CYREN: variants seen among roughly 807,000 people sequenced by gnomAD.
The protein encoded by CYREN is cell cycle regulator of non-homologous end joining.
In CYREN, 7 loss-of-function variants were observed where a neutral mutation model predicts 9.7. The observed-to-expected ratio is 0.72, with a 90% confidence interval of 0.41 to 1.36. The LOEUF is 1.36. Among genes scored for constraint, CYREN ranks in the 40% most tolerant of loss-of-function variants. The probability of loss-of-function intolerance (pLI) is 0.01; values close to 1 mark genes in which losing one functional copy is unlikely to be tolerated. For missense variants in CYREN, 215 were observed against 198.1 expected (o/e 1.09, Z -0.51); for synonymous variants, 76 against 77.9 (o/e 0.98, Z 0.13).
intron 2 of CYREN, among the ~76,000 whole-genome samples, chr7:135,104,563 CT>C (rs1824359800): frequency 6.6e-6 from 1 of 152,020 alleles, no homozygotes; most frequent in Non-Finnish European, 1.5e-5. Flanking sequence ...ATAAGATTCC[CT>C]TTTTTCTGCA....
chr7:135,106,431 T>C (rs1171217275), intron 2 of CYREN, among the ~76,000 whole-genome samples: 4 of 152,234 alleles, frequency 2.6e-5, no homozygotes, highest in Non-Finnish European at 5.9e-5. Context: ...GGAGGAATGT[T>C]GAATTTTATC....
chr7:135,131,258 A>G (rs1290576054), intron 2 of CYREN, among the ~76,000 whole-genome samples: 1 of 152,150 alleles, frequency 6.6e-6, no homozygotes, highest in Non-Finnish European at 1.5e-5. Flanking sequence ...GTGGGAGTTG[A>G]ACAGTGAGAA....
At chr7:135,094,616 A>G (rs1382027821) in intron 2 of CYREN, 2 of 445,340 alleles carry the variant, frequency 4.5e-6, no homozygotes, top group East Asian at 1.4e-4. Flanking sequence ...AACATTGTGA[A>G]ATACACCCAG....
chr7:135,116,579 T>A (rs1048422458), intron 2 of CYREN, among the ~76,000 whole-genome samples: 4 of 152,146 alleles, frequency 2.6e-5, no homozygotes, highest in African/African-American at 9.7e-5. Context: ...GGCTCCCCAT[T>A]TGGTTTCCAA....
At chr7:135,134,869 A>C in intron 2 of CYREN, 8 of 1,550,238 alleles carry the variant, frequency 5.2e-6, no homozygotes, top group Non-Finnish European at 7.0e-6. Context: ...CAGAAATATA[A>C]AGAAATACAG....
At chr7:135,096,609 ATAGATAGATAGATAGG>A (rs1188893145) in intron 2 of CYREN, among the ~76,000 whole-genome samples, 1 of 142,502 alleles carries the variant, frequency 7.0e-6, no homozygotes, top group Non-Finnish European at 1.6e-5. Flanking sequence ...AGATAGATAG[ATAGATAGATAGATAGG>A]GCTATTCTTT....
intron 2 of CYREN, among the ~76,000 whole-genome samples, chr7:135,114,029 T>C (rs1432983090): frequency 1.3e-5 from 2 of 152,260 alleles, no homozygotes; most frequent in East Asian, 3.8e-4. Flanking sequence ...CATTTGTCAG[T>C]ATTTCCTTCC....
intron 2 of CYREN, among the ~76,000 whole-genome samples, chr7:135,144,760 T>TTAATAATAA (rs57009556): frequency 4.8e-5 from 7 of 146,808 alleles, no homozygotes; most frequent in Non-Finnish European, 1.1e-4. Flanking sequence ...TACCAAAAAA[T>TTAATAATAA]TAATAATAAT....
intron 2 of CYREN, among the ~76,000 whole-genome samples, chr7:135,113,881 T>C (rs933842045): frequency 1.3e-5 from 2 of 152,238 alleles, no homozygotes; most frequent in African/African-American, 2.4e-5. Flanking sequence ...TCTAGTCAAA[T>C]AGAATTCTAG....
At chr7:135,098,921 C>A (rs940007487) in intron 2 of CYREN, among the ~76,000 whole-genome samples, 33 of 151,984 alleles carry the variant, frequency 2.2e-4, no homozygotes, top group Non-Finnish European at 3.8e-4. Context: ...CACTAAAGAG[C>A]TAAAATGTGT....
chr7:135,131,804 AC>A (rs1279011217), intron 2 of CYREN, among the ~76,000 whole-genome samples: 13 of 152,108 alleles, frequency 8.5e-5, no homozygotes, highest in Non-Finnish European at 1.9e-4. Context: ...TTCTATTAAT[AC>A]TGACAAATAA....
downstream of CYREN, among the ~76,000 whole-genome samples, chr7:135,161,452 A>C (rs547577439): frequency 6.6e-6 from 1 of 152,324 alleles, no homozygotes; most frequent in East Asian, 1.9e-4. The surrounding 1 kb of genome is among the most constrained non-coding windows in gnomAD (Gnocchi z 4.1). Flanking sequence ...GAGGAGGTCA[A>C]ACCTTCTTTT....
intron 2 of CYREN, among the ~76,000 whole-genome samples, chr7:135,148,669 C>T (rs913358166): frequency 2.0e-5 from 3 of 152,202 alleles, no homozygotes; most frequent in African/African-American, 7.2e-5. Flanking sequence ...CCGACCAACA[C>T]TAACTAAACC....
chr7:135,122,880 C>A lies in CYREN; in HGVS notation n.357-28298G>T, dbSNP rs922948481. 4.6e-5 allele frequency among the ~76,000 whole-genome samples: 7 copies of A among 152,220 alleles called. No homozygotes were observed. In the South Asian group the frequency reaches 1.5e-3, roughly 32 times the overall value. ...ACAACAAACAAGCCCCCAGAAAAAC[C>A]CCATCCAAGGATCAGCGCCTCAAAG... On this transcript the variant is annotated intron_variant and non_coding_transcript_variant, in intron 2 of 2. Coordinates refer to the CYREN transcript ENST00000459937.
At chr7:135,094,993 C>T (rs1230465609) in intron 2 of CYREN, among the ~76,000 whole-genome samples, 3 of 152,120 alleles carry the variant, frequency 2.0e-5, no homozygotes, top group Non-Finnish European at 4.4e-5. Context: ...TTTCATAGTT[C>T]CCTTGTTGGT....
At chr7:135,112,601 T>A (rs377128012) in intron 2 of CYREN, among the ~76,000 whole-genome samples, 1 of 152,224 alleles carries the variant, frequency 6.6e-6, no homozygotes, top group African/African-American at 2.4e-5. Context: ...TGGCTATAAG[T>A]ATATGTATGT....
At chr7:135,138,515 C>G (rs1455404189) in intron 2 of CYREN, among the ~76,000 whole-genome samples, 4 of 151,230 alleles carry the variant, frequency 2.6e-5, no homozygotes, top group Admixed American at 2.6e-4. Context: ...CCTGTAAATT[C>G]AAGGGTAAAA....
chr7:135,127,137 T>C (rs1030391569), intron 2 of CYREN, among the ~76,000 whole-genome samples: 2 of 151,814 alleles, frequency 1.3e-5, no homozygotes, highest in South Asian at 2.1e-4. Flanking sequence ...AGGTCTAATA[T>C]CCAGAATTTA....
intron 2 of CYREN, among the ~76,000 whole-genome samples, chr7:135,116,571 C>T (rs1826343905): frequency 6.6e-6 from 1 of 152,168 alleles, no homozygotes; most frequent in Non-Finnish European, 1.5e-5. Flanking sequence ...GAAATCTCGG[C>T]TCCCCATTTG....
Sources: allele counts gnomAD v4.1 joint callset (sites outside exome capture counted in the v4.1 genomes callset), GRCh38; gene constraint gnomAD v4.1.1; non-coding constraint Gnocchi (gnomAD v3.1); transcripts MANE v1.5; gene names NCBI Gene and HGNC (gene_info 2026-07-23, HGNC 2026-07-21).